Variants in SPTBN1 observed in about 807,000 individuals in gnomAD.
SPTBN1 encodes the protein spectrin beta, non-erythrocytic 1.
Under a neutral mutation model 266.4 loss-of-function variants are expected in SPTBN1, and 32 were observed. The observed-to-expected ratio is 0.12, with a 90% CI of 0.09 to 0.16. The LOEUF (loss-of-function observed/expected upper bound fraction) is 0.16. SPTBN1 is among the 10% of genes least tolerant of loss of function. SPTBN1 has a pLI of 1.00. For synonymous variants in SPTBN1, 1,336 were observed against 1,162.2 expected (o/e 1.15, Z -3.04); for missense variants, 2,296 against 3,067.1 (o/e 0.75, Z 5.94).
intron 2 of SPTBN1, among the ~76,000 whole-genome samples, chr2:54,576,662 A>G (rs770510477): frequency 6.6e-6 from 1 of 152,188 alleles, no homozygotes; most frequent in Non-Finnish European, 1.5e-5. Flanking sequence ...ATGACTTTTT[A>G]GAACCCATTT....
chr2:54,558,041 C>T lies in SPTBN1; in HGVS notation c.148+31475C>T, dbSNP rs1046726791. The T allele has an allele frequency of 1.3e-5, 13 of 985,308 alleles. No homozygotes were observed. Among genetic ancestry groups the T allele is most frequent in the Non-Finnish European group, 1.6e-5 (13 of 829,938 alleles). The allele number at this position is 985,308 out of a possible 1,614,324, so 61.0% of individuals were successfully genotyped here. A position where few individuals can be genotyped will look rare whatever the true frequency, so the allele number is the denominator to read the frequency against. On this transcript the variant is annotated intron_variant, in intron 2 of 35. Coordinates refer to ENST00000356805, the MANE Select transcript of SPTBN1 (RefSeq NM_003128.3). The surrounding 1 kb of genome is among the most constrained non-coding windows in gnomAD (Gnocchi z 4.6). ...CCTTGGGGCTCTTCACTCTCCAGGC[C>T]GTCCCGTGGGCGCGCTAGCCTTTTC...
intron 2 of SPTBN1, chr2:54,527,816 C>A (rs1029907674): frequency 6.6e-5 from 10 of 152,230 alleles, no homozygotes; most frequent in Admixed American, 2.0e-4. Context: ...TCATGTGCTT[C>A]TCCCGCTGGT....
At chr2:54,474,382 G>C (rs1015395794) in intron 1 of SPTBN1, among the ~76,000 whole-genome samples, 10 of 150,638 alleles carry the variant, frequency 6.6e-5, no homozygotes, top group African/African-American at 2.5e-4. Flanking sequence ...CCGTGGAGCT[G>C]TGGTGCCTGG....
chr2:54,468,591 A>G (rs976033353), intron 1 of SPTBN1, among the ~76,000 whole-genome samples: 3 of 152,366 alleles, frequency 2.0e-5, no homozygotes, highest in African/African-American at 7.2e-5. Flanking sequence ...AAGCTGTAGC[A>G]TGAACACTAT....
chr2:54,471,800 A>ATTTTTTTTTTTTTTTTTTTTTTT (rs56043354), intron 1 of SPTBN1, among the ~76,000 whole-genome samples: 3 of 102,718 alleles, frequency 2.9e-5, no homozygotes, highest in East Asian at 3.3e-4. Context: ...TTTTTTATCG[A>ATTTTTTTTTTTTTTTTTTTTTTT]TTTTTTTTTT....
At chr2:54,471,157 G>GA (rs1573215507) in intron 1 of SPTBN1, among the ~76,000 whole-genome samples, 4 of 152,302 alleles carry the variant, frequency 2.6e-5, no homozygotes, top group South Asian at 4.1e-4. Context: ...GCCAAGGTGG[G>GA]AAAATTGCTT....
At chr2:54,641,989 G>A (rs1481040600) in intron 18 of SPTBN1, among the ~76,000 whole-genome samples, 1 of 152,136 alleles carries the variant, frequency 6.6e-6, no homozygotes, top group African/African-American at 2.4e-5. Context: ...GGCTTCTCAC[G>A]GTCACTCAGG....
rs1307549962 is a variant in SPTBN1, at chr2:54,612,323, C to T, written c.463C>T (p.Leu155=). 5 of 1,612,244 alleles carry T rather than the reference C, an allele frequency of 3.1e-6. No homozygotes were observed. The Admixed American group carries it at 6.7e-5, about 22-fold the overall frequency. ...LTLGLIWTII[L]RFQIQDISVE... ...CCTTGGCCTCATCTGGACCATCATC[C>T]TGCGCTTCCAGGTAAGGGTCTCTGC... is the stretch of plus-strand genomic sequence containing the variant. Residue 155 remains leucine (L), a synonymous_variant, in exon 4 of 36, where the codon CTG becomes TTG. Coordinates refer to ENST00000356805, the MANE Select transcript of SPTBN1 (RefSeq NM_003128.3).
intron 10 of SPTBN1, among the ~76,000 whole-genome samples, chr2:54,624,328 T>C (rs750251482): frequency 2.0e-5 from 3 of 151,972 alleles, no homozygotes; most frequent in Non-Finnish European, 2.9e-5. Flanking sequence ...GGTGAAGAAA[T>C]AGATTTCCTA....
chr2:54,639,738 G>A (rs947268453), intron 18 of SPTBN1, among the ~76,000 whole-genome samples: 4 of 152,216 alleles, frequency 2.6e-5, no homozygotes, highest in Admixed American at 6.5e-5. Context: ...AGCATCCCTG[G>A]TTATGAGGAG....
chr2:54,650,077 G>A, intron 26 of SPTBN1, 88 bp downstream of exon 26: 1 of 1,485,082 alleles, frequency 6.7e-7, no homozygotes, highest in Non-Finnish European at 8.9e-7. Flanking sequence ...CCTGTTCCTT[G>A]GCTCTTCAAA....
chr2:54,594,441 A>G (rs530489766), intron 2 of SPTBN1, among the ~76,000 whole-genome samples: 1 of 152,324 alleles, frequency 6.6e-6, no homozygotes, highest in African/African-American at 2.4e-5. Context: ...TAAAGTATAC[A>G]GGAAGATGTA....
chr2:54,648,852 T>C (rs1210723592), intron 24 of SPTBN1, 134 bp from the exon 25 acceptor site: 5 of 844,206 alleles, frequency 5.9e-6, no homozygotes, highest in Non-Finnish European at 7.2e-6. Flanking sequence ...TCATGCTAAG[T>C]GGGTTAACCA....
At chr2:54,658,456 C>G (rs1032647533) in intron 30 of SPTBN1, among the ~76,000 whole-genome samples, 1 of 152,114 alleles carries the variant, frequency 6.6e-6, no homozygotes, top group Non-Finnish European at 1.5e-5. Flanking sequence ...TGTTAAGTCC[C>G]CAGTCCTGAT....
intron 11 of SPTBN1, among the ~76,000 whole-genome samples, chr2:54,625,612 C>G (rs1678271181): frequency 6.6e-6 from 1 of 152,106 alleles, no homozygotes; most frequent in Non-Finnish European, 1.5e-5. Flanking sequence ...GTTTTTGAGG[C>G]AGAGTTTCAC....
At chr2:54,642,182 A>T (rs1259514059) in intron 18 of SPTBN1, among the ~76,000 whole-genome samples, 6 of 152,204 alleles carry the variant, frequency 3.9e-5, no homozygotes, top group Admixed American at 3.9e-4. Flanking sequence ...CCGATTCGGG[A>T]TGGAAGCCAG....
intron 10 of SPTBN1, 68 bp downstream of exon 10, chr2:54,623,664 C>T (rs1678139365): frequency 1.2e-5 from 15 of 1,278,688 alleles, no homozygotes; most frequent in South Asian, 1.3e-5. Context: ...CACTAGGTCT[C>T]GACTGCTAAG....
At chr2:54,561,252 C>T (rs1673277835) in intron 2 of SPTBN1, among the ~76,000 whole-genome samples, 1 of 152,208 alleles carries the variant, frequency 6.6e-6, no homozygotes. Flanking sequence ...TCAAGCCATC[C>T]TCCCACCTCA....
At chr2:54,565,091 C>T (rs1035556636) in intron 2 of SPTBN1, among the ~76,000 whole-genome samples, 1 of 152,152 alleles carries the variant, frequency 6.6e-6, no homozygotes, top group South Asian at 2.1e-4. Flanking sequence ...CCACTTCTCA[C>T]CTACTGAATA....
Sources: allele counts gnomAD v4.1 joint callset (sites outside exome capture counted in the v4.1 genomes callset), GRCh38; gene constraint gnomAD v4.1.1; non-coding constraint Gnocchi (gnomAD v3.1); transcripts MANE v1.5; gene names NCBI Gene and HGNC (gene_info 2026-07-23, HGNC 2026-07-21).